Variants in PDE4D observed in about 807,000 individuals in gnomAD.
PDE4D encodes 3',5'-cyclic-AMP phosphodiesterase 4D.
In PDE4D, 24 loss-of-function variants were observed where a neutral mutation model predicts 87.4. The observed-to-expected ratio is 0.27, with a 90% CI of 0.20 to 0.39. The LOEUF (loss-of-function observed/expected upper bound fraction) is 0.39, where lower values mean the gene tolerates loss of function less well. Among genes scored for constraint, PDE4D ranks in the 10% least tolerant of loss-of-function variants. PDE4D has a pLI of 1.00. For synonymous variants in PDE4D, 384 were observed against 383.2 expected (o/e 1.00, Z -0.02); for missense variants, 714 against 1,041.0 (o/e 0.69, Z 4.32).
intron 2 of PDE4D, among the ~76,000 whole-genome samples, chr5:60,019,568 T>A (rs1227189951): frequency 6.6e-6 from 1 of 152,190 alleles, no homozygotes; most frequent in African/African-American, 2.4e-5. Context: ...CTGCTTCACC[T>A]TTTACTTTGA....
chr5:58,978,416 A>AAAAAG (rs368836001), intron 11 of PDE4D, among the ~76,000 whole-genome samples: 33 of 152,328 alleles, frequency 2.2e-4, no homozygotes, highest in Admixed American at 5.2e-4. Context: ...ACTCTGTTTC[A>AAAAAG]AAAAGAAAAG....
chr5:60,448,552 C>T (rs1244503086), intron 1 of PDE4D: 1 of 152,164 alleles, frequency 6.6e-6, no homozygotes, highest in Non-Finnish European at 1.5e-5. Context: ...AAGACGTACA[C>T]TTTCATTCTG....
rs896907517 is a variant in PDE4D at position 60,370,380 on chromosome 5, T to A, written c.-90+117562A>T. 2.6e-5 allele frequency among the ~76,000 whole-genome samples: 4 copies of A among 152,294 alleles called. No homozygotes were observed. In the East Asian group the frequency reaches 7.7e-4, roughly 29 times the overall value. ...TCATTAGAGGTGTTGTAACAACATA[T>A]CATCGACTACATTCAACAGAATCTC... is the stretch of plus-strand genomic sequence containing the variant. On this transcript the variant is annotated intron_variant, in intron 1 of 16. Coordinates refer to the PDE4D transcript ENST00000502484.
chr5:60,458,041 T>A (rs1746612171), intron 1 of PDE4D, among the ~76,000 whole-genome samples: 5 of 152,190 alleles, frequency 3.3e-5, no homozygotes, highest in Admixed American at 3.3e-4. Context: ...ACAGTTTCTA[T>A]TTTCAAATTA....
intron 2 of PDE4D, among the ~76,000 whole-genome samples, chr5:60,014,596 C>T (rs1765343172): frequency 6.6e-6 from 1 of 152,180 alleles, no homozygotes; most frequent in African/African-American, 2.4e-5. Context: ...AAAAACGTTA[C>T]TGCACAGGAT....
chr5:60,145,262 GTCATCAC>G (rs1780890422), intron 2 of PDE4D, among the ~76,000 whole-genome samples: 1 of 152,210 alleles, frequency 6.6e-6, no homozygotes, highest in Non-Finnish European at 1.5e-5. Flanking sequence ...TGACAAGAGG[GTCATCAC>G]TTATCTCTGA....
intron 3 of PDE4D, among the ~76,000 whole-genome samples, chr5:59,191,853 G>C (rs891211240): frequency 6.6e-6 from 1 of 152,046 alleles, no homozygotes; most frequent in African/African-American, 2.4e-5. Flanking sequence ...TTACAGGTAC[G>C]AGCCACCGCA....
intron 1 of PDE4D, among the ~76,000 whole-genome samples, chr5:60,517,052 C>T (rs1750830534): frequency 6.6e-6 from 1 of 152,226 alleles, no homozygotes; most frequent in Non-Finnish European, 1.5e-5. Context: ...ATGCCTGCTC[C>T]CACTGCCCAG....
intron 1 of PDE4D, among the ~76,000 whole-genome samples, chr5:59,688,683 T>C (rs1003007234): frequency 4.6e-5 from 7 of 152,188 alleles, no homozygotes; most frequent in African/African-American, 1.7e-4. Flanking sequence ...AGCAAACGCA[T>C]TCAAAAGCTA....
chr5:60,150,800 G>A (rs749858458), intron 2 of PDE4D, among the ~76,000 whole-genome samples: 8 of 152,220 alleles, frequency 5.3e-5, no homozygotes, highest in South Asian at 4.1e-4. Context: ...GCCTAACCCC[G>A]AAGGTTTGGA....
At chr5:59,690,123 A>G (rs1750651441) in intron 1 of PDE4D, among the ~76,000 whole-genome samples, 1 of 152,168 alleles carries the variant, frequency 6.6e-6, no homozygotes, top group South Asian at 2.1e-4. Context: ...AATCAATATC[A>G]TGAAAATGGC....
At chr5:59,949,517 T>G (rs1013241620) in intron 3 of PDE4D, among the ~76,000 whole-genome samples, 35 of 151,414 alleles carry the variant, frequency 2.3e-4, no homozygotes, top group African/African-American at 8.2e-4. Context: ...TCTACCAAAC[T>G]ATCTGGTTTA....
chr5:59,202,544 AT>A (rs956915140), intron 2 of PDE4D, among the ~76,000 whole-genome samples: 65 of 146,780 alleles, frequency 4.4e-4, no homozygotes, highest in Non-Finnish European at 5.1e-4. Flanking sequence ...GCAGGTTAGA[AT>A]TTTTTTTTTT....
chr5:60,311,958 C>T (rs1755076242), intron 1 of PDE4D, among the ~76,000 whole-genome samples: 1 of 151,664 alleles, frequency 6.6e-6, no homozygotes, highest in Admixed American at 6.6e-5. Flanking sequence ...AAGGGCATTA[C>T]ATAATGGTAA....
intron 1 of PDE4D, among the ~76,000 whole-genome samples, chr5:59,830,747 T>G (rs1741066893): frequency 6.6e-6 from 1 of 152,112 alleles, no homozygotes; most frequent in Non-Finnish European, 1.5e-5. Flanking sequence ...AAGTGCACAT[T>G]CTTATTTTAT....
intron 1 of PDE4D, among the ~76,000 whole-genome samples, chr5:59,459,811 A>G (rs551189332): frequency 1.3e-3 from 193 of 152,330 alleles, no homozygotes; most frequent in African/African-American, 4.2e-3. Context: ...TCATCTGACA[A>G]AGTTAGAGAC....
At chr5:60,316,697 AG>A (rs1583398885) in intron 1 of PDE4D, among the ~76,000 whole-genome samples, 1 of 152,174 alleles carries the variant, frequency 6.6e-6, no homozygotes, top group Non-Finnish European at 1.5e-5. Flanking sequence ...TTTAGCATGA[AG>A]GGCTGTTGAA....
At chr5:59,295,852 A>C (rs910175274) in intron 1 of PDE4D, among the ~76,000 whole-genome samples, 4 of 151,954 alleles carry the variant, frequency 2.6e-5, no homozygotes, top group Admixed American at 6.6e-5. Flanking sequence ...AAAAAAACAA[A>C]AAAAAAAACA....
intron 2 of PDE4D, among the ~76,000 whole-genome samples, chr5:60,103,270 T>C (rs1330521177): frequency 6.6e-6 from 1 of 152,162 alleles, no homozygotes; most frequent in Admixed American, 6.5e-5. Flanking sequence ...AAACAAATGA[T>C]GATGATGGGC....
Sources: gnomAD v4.1 joint callset for allele counts (sites outside exome capture counted in the v4.1 genomes callset) on GRCh38, gnomAD v4.1.1 for gene constraint, MANE v1.5 for transcripts, NCBI Gene and HGNC (gene_info 2026-07-23, HGNC 2026-07-21) for gene names.